FOXN4: variants seen among roughly 807,000 people sequenced by gnomAD.
The protein encoded by FOXN4 is forkhead box N4, also known as forkhead box protein N4.
Under a neutral mutation model 45.0 loss-of-function variants are expected in FOXN4, and 12 were observed. That is an observed-to-expected ratio of 0.27 (90% confidence interval 0.17 to 0.43). FOXN4 has a LOEUF of 0.43. Among genes scored for constraint, FOXN4 ranks in the 20% least tolerant of loss-of-function variants. FOXN4 has a pLI of 1.00. For synonymous variants in FOXN4, 297 were observed against 295.0 expected, an observed-to-expected ratio of 1.01 and a Z score of -0.07; for missense variants, 560 against 694.9, an observed-to-expected ratio of 0.81 and a Z score of 2.18.
chr12:109,299,346 ATGCACACATGTGTGCACACACACG>A (rs1748557980), intron 2 of FOXN4, among the ~76,000 whole-genome samples: 1 of 151,876 alleles, frequency 6.6e-6, no homozygotes, highest in African/African-American at 2.4e-5. Context: ...ACGCACACGG[ATGCACACATGTGTGCACACACACG>A]TGCACACACA....
In FOXN4 at chr12:109,279,133, T is replaced by C. The variant is rs937381361; in HGVS notation, c.*538A>G. ...GGCTCCCATTTCAGAGTTCAGCTTG[T>C]CCTGTCCAAGAGAGAGGCTCAAGCT... On this transcript the variant is annotated 3_prime_UTR_variant, in exon 10 of 10. Transcript: ENST00000299162. 1.8e-5 allele frequency: 3 copies of C among 163,652 alleles called. No homozygotes were observed. The highest frequency in any genetic ancestry group is 7.2e-5 in the African/African-American group (3 of 41,668). 10.1% of individuals were successfully genotyped at this position (163,652 alleles called of 1,614,324 possible).
chr12:109,281,641 G>A lies in FOXN4; in HGVS notation c.1060C>T (p.Leu354=), dbSNP rs779290810. 2 of 1,611,170 alleles carry A rather than the reference G, an allele frequency of 1.2e-6. No individual in the cohort carries two copies. Among genetic ancestry groups the A allele is most frequent in the East Asian group, 2.2e-5 (1 of 44,786 alleles). The change falls in exon 9 of 10, where the codon CTG becomes TTG. Residue 354 remains leucine, a synonymous_variant. Coordinates refer to ENST00000299162, the MANE Select transcript of FOXN4 (RefSeq NM_213596.3). The stretch of plus-strand genomic sequence containing the variant: ...TGCAGGGGGACTGACTGCAGGGACA[G>A]GGTCATCAGTGGCTGGGGTGGGAGC... The part of the protein sequence containing the change: ...SQLPPQPLMT[L]SLQSVPLHHQ...
chr12:109,289,264 A>C (rs925089182), intron 3 of FOXN4, among the ~76,000 whole-genome samples: 17 of 152,192 alleles, frequency 1.1e-4, no homozygotes, highest in Non-Finnish European at 5.9e-5. Flanking sequence ...TGTTTTTGTA[A>C]ATAAAGTTTT....
chr12:109,304,806 T>C (rs1025495498), intron 2 of FOXN4, among the ~76,000 whole-genome samples: 13 of 152,190 alleles, frequency 8.5e-5, no homozygotes, highest in Admixed American at 8.5e-4. Context: ...GCCCATAAAC[T>C]TTTCCTGGGC....
In FOXN4 at chr12:109,285,344, C is replaced by A; in HGVS notation, c.861G>T (p.Arg287Ser). ...TCCGGTGGATGGCAGCCAGGTCCTT[C>A]CTCTTCCACTTGTGCATCTCCTCCT... ...KMEEEMHKWK[R>S]KDLAAIHRSM... The change falls in exon 8 of 10, where the codon AGG (arginine) becomes AGT (serine). Residue 287 changes from arginine (R) to serine (S), a missense_variant. By Grantham distance (110) the Arg-to-Ser change is moderately radical (BLOSUM62 -1). This residue lies in a region of FOXN4 where 315 missense variants were observed against 350.5 expected (regional missense o/e 0.90). Transcript: ENST00000299162. 6.2e-7 allele frequency: 1 copy of A among 1,613,468 alleles called. No individual in the cohort carries two copies. Among genetic ancestry groups the A allele is most frequent in the South Asian group, 1.1e-5 (1 of 91,018 alleles).
intron 8 of FOXN4, among the ~76,000 whole-genome samples, chr12:109,284,651 CT>C (rs985412100): frequency 1.3e-5 from 2 of 151,452 alleles, no homozygotes; most frequent in Admixed American, 6.6e-5. Context: ...TAGGTCCTTC[CT>C]CTTCCACGTG....
At chr12:109,281,349 GC>G in intron 9 of FOXN4, 57 bp downstream of exon 9, 4 of 1,588,950 alleles carry the variant, frequency 2.5e-6, no homozygotes, top group Non-Finnish European at 2.6e-6. Context: ...ACTCCCTTTG[GC>G]CCCCGGGCCT....
intron 1 of FOXN4, among the ~76,000 whole-genome samples, chr12:109,308,638 G>C (rs2047941782): frequency 6.6e-6 from 1 of 152,076 alleles, no homozygotes; most frequent in Non-Finnish European, 1.5e-5. Context: ...TCACAAAATA[G>C]GAATCAGAAA....
At chr12:109,282,967 C>T (rs1391803416) in intron 8 of FOXN4, among the ~76,000 whole-genome samples, 1 of 152,014 alleles carries the variant, frequency 6.6e-6, no homozygotes, top group African/African-American at 2.4e-5. Context: ...TGTCATACCC[C>T]CTCAACTGAG....
intron 2 of FOXN4, among the ~76,000 whole-genome samples, chr12:109,300,873 C>T (rs2047862439): frequency 6.6e-6 from 1 of 152,124 alleles, no homozygotes; most frequent in Non-Finnish European, 1.5e-5. Flanking sequence ...TACGCTGCTG[C>T]ACTCCAGCCT....
At chr12:109,304,170 G>C (rs4766589) in intron 2 of FOXN4, among the ~76,000 whole-genome samples, 37,861 of 138,776 alleles carry the variant, frequency 0.27, 5,528 homozygotes, top group Admixed American at 0.39. Flanking sequence ...CAGCCTGGAC[G>C]ATAGAGCCAG....
chr12:109,297,338 T>C (rs2047827141), intron 2 of FOXN4, among the ~76,000 whole-genome samples: 1 of 152,246 alleles, frequency 6.6e-6, no homozygotes, highest in Non-Finnish European at 1.5e-5. Flanking sequence ...GAGAATCTTT[T>C]TGTTTTGTTT....
intron 8 of FOXN4, 54 bp downstream of exon 8, chr12:109,285,249 GT>G: frequency 6.9e-7 from 1 of 1,454,506 alleles, no homozygotes; most frequent in Non-Finnish European, 9.3e-7. Flanking sequence ...TCTTCCGTGT[GT>G]GTGTGTGTGT....
chr12:109,296,387 G>A (rs1254425281), intron 2 of FOXN4, among the ~76,000 whole-genome samples: 5 of 152,210 alleles, frequency 3.3e-5, no homozygotes, highest in Admixed American at 6.5e-5. Context: ...TTCTCTGTGT[G>A]CCTTCCTCTG....
rs2047913624 is a variant in FOXN4, at chr12:109,305,511, A to AC, written c.86+2724dup. Among the ~76,000 whole-genome samples the AC allele has an allele frequency of 9.9e-5, 15 of 152,262 alleles. No homozygotes were observed. In the South Asian group the frequency reaches 3.1e-3, roughly 32 times the overall value. ...GGAGGGAGGTCGAGGCAAGTGGATC[A>AC]CTTGAGGTCAGGAGTTTGAGACCAG... On this transcript the variant is annotated intron_variant, in intron 2 of 9. Transcript: ENST00000299162.
chr12:109,290,214 A>G lies in FOXN4; in HGVS notation c.159T>C (p.Asp53=). The change falls in exon 3 of 10, where the codon GAT becomes GAC. Residue 53 remains aspartate (D), a synonymous_variant. Coordinates refer to ENST00000299162, the MANE Select transcript of FOXN4 (RefSeq NM_213596.3). This position sits in a 1 kb window ranked among gnomAD's most constrained non-coding sequence, Gnocchi z 5.1. The part of the protein sequence containing the change: ...LQSLSWLTAV[D]VPRLQQMASG... ...TTGCCATCTGCTGCAGCCGAGGCAC[A>G]TCCACCGCCGTGAGCCACGACAGCG... 6.4e-7 allele frequency: 1 copy of G among 1,551,408 alleles called. No individual in the cohort carries two copies. Among genetic ancestry groups the G allele is most frequent in the Non-Finnish European group, 8.7e-7 (1 of 1,146,938 alleles).
rs1043764960 is a variant in FOXN4, at chr12:109,281,525, G to A, written c.1176C>T (p.Pro392=). 5.0e-6 allele frequency: 8 copies of A among 1,613,800 alleles called. No homozygotes were observed. Among genetic ancestry groups the A allele is most frequent in the Non-Finnish European group, 6.8e-6 (8 of 1,179,814 alleles). The change falls in exon 9 of 10, where the codon CCC becomes CCT. Residue 392 remains proline (P), a synonymous_variant. Transcript: ENST00000299162. The stretch of plus-strand genomic sequence containing the variant: ...CCATGGCGGGGTGGGGGAGCGGGCT[G>A]GGGCTGAGGTCCGGCAGGGCGTGCA... ...PPLHALPDLS[P]SPLPHPAMGR...
At chr12:109,286,230 G>A (rs2047709084) in intron 7 of FOXN4, among the ~76,000 whole-genome samples, 1 of 152,182 alleles carries the variant, frequency 6.6e-6, no homozygotes, top group Non-Finnish European at 1.5e-5. Flanking sequence ...CCAACCCTAT[G>A]CTGGAAGCTG....
At chr12:109,293,280 C>T (rs904184558) in intron 2 of FOXN4, among the ~76,000 whole-genome samples, 1 of 152,220 alleles carries the variant, frequency 6.6e-6, no homozygotes, top group Non-Finnish European at 1.5e-5. Flanking sequence ...ACTCCCTGTG[C>T]AGGTTCCTGC....
Sources: allele counts gnomAD v4.1 joint callset (sites outside exome capture counted in the v4.1 genomes callset), GRCh38; gene constraint gnomAD v4.1.1; regional missense constraint gnomAD v4.1.1; non-coding constraint Gnocchi (gnomAD v3.1); transcripts MANE v1.5; gene names NCBI Gene and HGNC (gene_info 2026-07-23, HGNC 2026-07-21).